LHFPL3: variants seen among roughly 807,000 people sequenced by gnomAD.
LHFPL3 encodes the protein LHFPL tetraspan subfamily member 3 protein.
Under a neutral mutation model 19.3 loss-of-function variants are expected in LHFPL3, and 5 were observed. The ratio of observed to expected loss-of-function variants is 0.26; its 90% CI spans 0.14 to 0.54. LHFPL3 has a LOEUF of 0.54. Among genes scored for constraint, LHFPL3 ranks in the 20% least tolerant of loss-of-function variants. The probability of loss-of-function intolerance (pLI) is 0.94; values close to 1 mark genes in which losing one functional copy is unlikely to be tolerated. For missense variants in LHFPL3, 249 were observed against 307.4 expected (o/e 0.81, Z 1.42); for synonymous variants, 133 against 126.2 (o/e 1.05, Z -0.36).
At chr7:104,404,118 A>G (rs73712122) in intron 1 of LHFPL3, among the ~76,000 whole-genome samples, 2,335 of 152,252 alleles carry the variant, frequency 0.015, 49 homozygotes, top group African/African-American at 0.053. Context: ...TTACAGAAAA[A>G]ACTTGCTAAC....
chr7:104,500,870 ACTGGC>A, intron 1 of LHFPL3, among the ~76,000 whole-genome samples: 1 of 152,216 alleles, frequency 6.6e-6, no homozygotes, highest in East Asian at 1.9e-4. Context: ...GAACAGCCCC[ACTGGC>A]CTTTCAAATG....
intron 2 of LHFPL3, among the ~76,000 whole-genome samples, chr7:104,810,043 T>C (rs1790436148): frequency 6.6e-6 from 1 of 152,194 alleles, no homozygotes; most frequent in South Asian, 2.1e-4. Context: ...AAGCAACAAC[T>C]AAGCTAAAAT....
chr7:104,468,756 T>A (rs971170300), intron 1 of LHFPL3, among the ~76,000 whole-genome samples: 2 of 151,482 alleles, frequency 1.3e-5, no homozygotes, highest in Admixed American at 6.6e-5. Flanking sequence ...CCTCGCGGGT[T>A]CAAGCAATTC....
intron 1 of LHFPL3, among the ~76,000 whole-genome samples, chr7:104,505,341 A>C (rs2115746587): frequency 6.6e-6 from 1 of 152,384 alleles, no homozygotes; most frequent in Non-Finnish European, 1.5e-5. Flanking sequence ...TATGGAAATG[A>C]AAAGCTTTCA....
chr7:104,365,797 A>AAAAAG (rs1554381868), intron 1 of LHFPL3, among the ~76,000 whole-genome samples: 1 of 125,968 alleles, frequency 7.9e-6, no homozygotes, highest in Admixed American at 9.4e-5. Context: ...CAAAAAAAAA[A>AAAAAG]AAAAAAAAGA....
At chr7:104,765,370 G>C (rs1294950654) in intron 2 of LHFPL3, among the ~76,000 whole-genome samples, 1 of 152,214 alleles carries the variant, frequency 6.6e-6, no homozygotes, top group Non-Finnish European at 1.5e-5. Flanking sequence ...TCTGGGCTCA[G>C]TATTTGGCCA....
intron 1 of LHFPL3, among the ~76,000 whole-genome samples, chr7:104,398,843 CG>C (rs66522712): frequency 0.34 from 51,721 of 150,652 alleles, 9,168 homozygotes; most frequent in Admixed American, 0.48. Context: ...TTCTGATGCC[CG>C]CCCCCCGGCC....
intron 1 of LHFPL3, among the ~76,000 whole-genome samples, chr7:104,463,317 A>T (rs900303783): frequency 6.6e-6 from 1 of 152,082 alleles, no homozygotes; most frequent in Non-Finnish European, 1.5e-5. Flanking sequence ...ATTCTTTAAG[A>T]TGTGATATTG....
At chr7:104,533,716 C>T (rs150784907) in intron 1 of LHFPL3, among the ~76,000 whole-genome samples, 2,453 of 152,326 alleles carry the variant, frequency 0.016, 26 homozygotes, top group Middle Eastern at 0.031. Flanking sequence ...GGTTACTGCT[C>T]TTGTCCAACT....
At chr7:104,699,287 T>C (rs1793057062) in intron 1 of LHFPL3, among the ~76,000 whole-genome samples, 1 of 152,212 alleles carries the variant, frequency 6.6e-6, no homozygotes, top group Non-Finnish European at 1.5e-5. Context: ...GAAGCATCCA[T>C]CAATAGATGA....
chr7:104,343,299 G>A (rs1789993550), intron 1 of LHFPL3, among the ~76,000 whole-genome samples: 1 of 151,766 alleles, frequency 6.6e-6, no homozygotes, highest in Admixed American at 6.6e-5. Flanking sequence ...CGGATCATGA[G>A]GTCAGGGGTT....
intron 1 of LHFPL3, among the ~76,000 whole-genome samples, chr7:104,733,177 G>A (rs921860702): frequency 6.6e-6 from 1 of 152,192 alleles, no homozygotes; most frequent in Admixed American, 6.5e-5. Flanking sequence ...GTGTGGTGTG[G>A]TGCTGAGAAA....
At chr7:104,392,357 C>T (rs367864211) in intron 1 of LHFPL3, among the ~76,000 whole-genome samples, 10,771 of 151,466 alleles carry the variant, frequency 0.071, 373 homozygotes, top group East Asian at 0.16. Context: ...TGAGATATGT[C>T]CCATCAATAC....
intron 1 of LHFPL3, among the ~76,000 whole-genome samples, chr7:104,680,209 G>A (rs1792670143): frequency 6.6e-6 from 1 of 152,220 alleles, no homozygotes; most frequent in African/African-American, 2.4e-5. Context: ...ATGTGGTGAT[G>A]TGGCCACTCA....
At chr7:104,867,758 T>G (rs887393674) in intron 2 of LHFPL3, among the ~76,000 whole-genome samples, 3 of 152,110 alleles carry the variant, frequency 2.0e-5, no homozygotes, top group Admixed American at 2.0e-4. Flanking sequence ...TACCAAAGCC[T>G]GGCAGAGACA....
chr7:104,683,958 C>T (rs1034616093), intron 1 of LHFPL3, among the ~76,000 whole-genome samples: 3 of 152,102 alleles, frequency 2.0e-5, no homozygotes, highest in Admixed American at 1.3e-4. Context: ...TGTGAAAAGG[C>T]ATATCTGTAT....
intron 2 of LHFPL3, among the ~76,000 whole-genome samples, chr7:104,797,121 C>T (rs1318090172): frequency 2.6e-5 from 4 of 152,188 alleles, no homozygotes; most frequent in Admixed American, 6.5e-5. Flanking sequence ...ATGGGATTAG[C>T]TTTGCCTAAA....
intron 1 of LHFPL3, among the ~76,000 whole-genome samples, chr7:104,491,469 G>A (rs544219462): frequency 7.4e-6 from 1 of 134,816 alleles, no homozygotes; most frequent in Admixed American, 7.5e-5. Context: ...ATTTTTCCAT[G>A]TAAAAAAAAA....
intron 1 of LHFPL3, among the ~76,000 whole-genome samples, chr7:104,329,549 T>G (rs1049087859): frequency 2.6e-5 from 4 of 152,112 alleles, no homozygotes; most frequent in Non-Finnish European, 5.9e-5. Context: ...AGTGGCCGCT[T>G]AGAGAGATGG....
Sources: gnomAD v4.1 joint callset for allele counts (sites outside exome capture counted in the v4.1 genomes callset) on GRCh38, gnomAD v4.1.1 for gene constraint, MANE v1.5 for transcripts, NCBI Gene and HGNC (gene_info 2026-07-23, HGNC 2026-07-21) for gene names.